The following MCTP2 variants were observed in gnomAD, a reference collection of about 807,000 sequenced individuals.
The protein encoded by MCTP2 is multiple C2 and transmembrane domain containing 2, also known as multiple C2 and transmembrane domain-containing protein 2.
A neutral mutation model predicts 111.6 loss-of-function variants in MCTP2; 132 were observed. The ratio of observed to expected loss-of-function variants is 1.18; its 90% CI spans 1.03 to 1.37. The LOEUF (loss-of-function observed/expected upper bound fraction) is 1.37, where lower values mean the gene tolerates loss of function less well. MCTP2 is among the 40% of genes most tolerant of loss of function. The probability of loss-of-function intolerance (pLI) is 0.00; values close to 1 mark genes in which losing one functional copy is unlikely to be tolerated. For missense variants in MCTP2, 1,183 were observed against 1,067.9 expected, an observed-to-expected ratio of 1.11 and a Z score of -1.50; for synonymous variants, 395 against 387.7, an observed-to-expected ratio of 1.02 and a Z score of -0.22.
chr15:94,351,790 G>A lies in MCTP2; in HGVS notation c.1006-4347G>A, dbSNP rs578148886. Among the ~76,000 whole-genome samples the A allele has an allele frequency of 1.9e-4, 29 of 152,308 alleles. No homozygotes were observed. In the South Asian group the frequency reaches 4.6e-3, roughly 24 times the overall value. On this transcript the variant is annotated intron_variant, in intron 8 of 22. Coordinates refer to ENST00000357742, the MANE Select transcript of MCTP2 (RefSeq NM_001385001.1). ...TATCCCGTGGGTATTGCTTGGCATCGTCAGTTCTGGAGTGCCACCTAGTTG... is the reference window on the plus strand; with the variant it reads ...TATCCCGTGGGTATTGCTTGGCATCATCAGTTCTGGAGTGCCACCTAGTTG...
At chr15:94,388,917 C>T (rs2080688069) in intron 14 of MCTP2, among the ~76,000 whole-genome samples, 2 of 152,148 alleles carry the variant, frequency 1.3e-5, no homozygotes, top group African/African-American at 2.4e-5. Context: ...TATATCATCT[C>T]CAAAGCAAGA....
chr15:94,415,018 T>A (rs2082311241), intron 17 of MCTP2, among the ~76,000 whole-genome samples: 2 of 152,094 alleles, frequency 1.3e-5, no homozygotes, highest in Non-Finnish European at 2.9e-5. Flanking sequence ...TGGACAGTAG[T>A]GCTCATGAAT....
intron 4 of MCTP2, among the ~76,000 whole-genome samples, chr15:94,335,942 C>T (rs1384045112): frequency 6.6e-6 from 1 of 152,034 alleles, no homozygotes; most frequent in Non-Finnish European, 1.5e-5. Flanking sequence ...AGAGATTTTA[C>T]TTTTCATCCC....
intron 1 of MCTP2, among the ~76,000 whole-genome samples, chr15:94,245,511 CATATAT>C (rs1567266008): frequency 1.8e-4 from 25 of 136,254 alleles, no homozygotes; most frequent in Admixed American, 6.0e-4. Context: ...TATATGTATA[CATATAT>C]GTATATATTT....
At chr15:94,337,155 C>G (rs560449152) in intron 4 of MCTP2, among the ~76,000 whole-genome samples, 1 of 152,260 alleles carries the variant, frequency 6.6e-6, no homozygotes, top group East Asian at 1.9e-4. Flanking sequence ...AATGTGCTCC[C>G]CCTTCTCTCA....
intron 9 of MCTP2, among the ~76,000 whole-genome samples, chr15:94,357,712 G>T (rs999046361): frequency 2.6e-5 from 4 of 152,094 alleles, no homozygotes; most frequent in Non-Finnish European, 4.4e-5. Flanking sequence ...TTAGTACGGG[G>T]ATTTAATACC....
At chr15:94,246,685 A>G (rs1026942291) in intron 1 of MCTP2, among the ~76,000 whole-genome samples, 2 of 152,182 alleles carry the variant, frequency 1.3e-5, no homozygotes, top group African/African-American at 4.8e-5. Context: ...GCTCTATGAA[A>G]TGGGTTGCAA....
At chr15:94,470,605 G>T (rs2073841862) in intron 21 of MCTP2, among the ~76,000 whole-genome samples, 163 bp downstream of exon 21, 1 of 152,236 alleles carries the variant, frequency 6.6e-6, no homozygotes, top group African/African-American at 2.4e-5. Context: ...CTCCCTGAAA[G>T]GCCAGTTGCA....
intron 1 of MCTP2, among the ~76,000 whole-genome samples, chr15:94,244,625 C>G (rs1228584716): frequency 6.8e-6 from 1 of 147,474 alleles, no homozygotes; most frequent in Non-Finnish European, 1.5e-5. Context: ...TATACACATA[C>G]ATATGCACCT....
chr15:94,384,457 G>A (rs1253754509), intron 13 of MCTP2, among the ~76,000 whole-genome samples: 2 of 152,116 alleles, frequency 1.3e-5, no homozygotes, highest in Non-Finnish European at 2.9e-5. Flanking sequence ...GTGATCTTAT[G>A]TGTTCTAAGA....
At chr15:94,266,740 G>A (rs915342841) in intron 1 of MCTP2, among the ~76,000 whole-genome samples, 8 of 152,176 alleles carry the variant, frequency 5.3e-5, no homozygotes, top group African/African-American at 1.9e-4. Context: ...TCTGGCTTTT[G>A]ACATTTGGAT....
chr15:94,421,750 G>A (rs2082639248), intron 17 of MCTP2, among the ~76,000 whole-genome samples: 2 of 152,112 alleles, frequency 1.3e-5, no homozygotes, highest in Non-Finnish European at 2.9e-5. Context: ...CAGGTAATTT[G>A]GGTCATCTAC....
intron 12 of MCTP2, among the ~76,000 whole-genome samples, chr15:94,381,739 T>C (rs930710355): frequency 6.6e-6 from 1 of 152,212 alleles, no homozygotes; most frequent in Non-Finnish European, 1.5e-5. Flanking sequence ...ACCTGAGCAT[T>C]AAGCCAAAAG....
At chr15:94,366,683 A>G (rs1371874191) in intron 10 of MCTP2, among the ~76,000 whole-genome samples, 3 of 152,078 alleles carry the variant, frequency 2.0e-5, no homozygotes, top group Non-Finnish European at 4.4e-5. Flanking sequence ...ATCTTATTCT[A>G]TAATTATGGA....
At chr15:94,320,366 C>T (rs1427254544) in intron 4 of MCTP2, among the ~76,000 whole-genome samples, 2 of 152,212 alleles carry the variant, frequency 1.3e-5, no homozygotes, top group South Asian at 4.1e-4. Flanking sequence ...TGGTCTCGAT[C>T]TCCTGACCTT....
chr15:94,335,024 C>A (rs1202548568), intron 4 of MCTP2, among the ~76,000 whole-genome samples: 2 of 152,198 alleles, frequency 1.3e-5, no homozygotes, highest in Non-Finnish European at 2.9e-5. Context: ...AGGGGACTTT[C>A]CGAAACCTTG....
At chr15:94,418,137 T>C (rs889386720) in intron 17 of MCTP2, among the ~76,000 whole-genome samples, 2 of 152,172 alleles carry the variant, frequency 1.3e-5, no homozygotes, top group African/African-American at 4.8e-5. Flanking sequence ...GTAAGTGTTA[T>C]GTTTAAGCTT....
intron 1 of MCTP2, among the ~76,000 whole-genome samples, chr15:94,276,482 A>G (rs1400326810): frequency 6.6e-6 from 1 of 152,004 alleles, no homozygotes; most frequent in Non-Finnish European, 1.5e-5. Context: ...ATTAAGTAAG[A>G]AATTCCACTC....
chr15:94,297,706 A>C (rs1196231703), intron 1 of MCTP2, among the ~76,000 whole-genome samples: 1 of 152,190 alleles, frequency 6.6e-6, no homozygotes, highest in Non-Finnish European at 1.5e-5. Context: ...GATGTCGCAC[A>C]GCAGAGTTGA....
Sources: allele counts gnomAD v4.1 joint callset (sites outside exome capture counted in the v4.1 genomes callset), GRCh38; gene constraint gnomAD v4.1.1; transcripts MANE v1.5; gene names NCBI Gene and HGNC (gene_info 2026-07-23, HGNC 2026-07-21).